The following KCNMA1 variants were observed in gnomAD, a reference collection of about 807,000 sequenced individuals.
KCNMA1 encodes Calcium-activated potassium channel subunit alpha-1.
In KCNMA1, 29 loss-of-function variants were observed where a neutral mutation model predicts 140.0. The observed-to-expected ratio is 0.21, with a 90% CI of 0.15 to 0.28. The LOEUF is 0.28. Among genes scored for constraint, KCNMA1 ranks in the 10% least tolerant of loss-of-function variants. KCNMA1 has a pLI of 1.00. For synonymous variants in KCNMA1, 612 were observed against 611.9 expected (o/e 1.00, Z 0.00); for missense variants, 880 against 1,602.2 (o/e 0.55, Z 7.70).
intron 3 of KCNMA1, among the ~76,000 whole-genome samples, chr10:77,208,277 C>T (rs1453274775): frequency 6.6e-6 from 1 of 152,228 alleles, no homozygotes; most frequent in Non-Finnish European, 1.5e-5. Flanking sequence ...AAGAGCACTA[C>T]TCTATTCTAG....
chr10:77,176,597 T>C (rs2098753294), intron 5 of KCNMA1, among the ~76,000 whole-genome samples: 1 of 152,086 alleles, frequency 6.6e-6, no homozygotes, highest in Admixed American at 6.6e-5. Flanking sequence ...GAATGACCCC[T>C]GGAGCAAAGG....
At chr10:77,379,089 C>T (rs1164563423) in intron 2 of KCNMA1, among the ~76,000 whole-genome samples, 2 of 152,074 alleles carry the variant, frequency 1.3e-5, no homozygotes, top group Non-Finnish European at 2.9e-5. Flanking sequence ...TGTTTGGCAC[C>T]ATAGAAAACA....
At chr10:77,317,947 C>T (rs188439502) in intron 2 of KCNMA1, among the ~76,000 whole-genome samples, 120 of 152,236 alleles carry the variant, frequency 7.9e-4, no homozygotes, top group Admixed American at 1.8e-3. Context: ...GGGTTGAGCC[C>T]GCATCTTCAA....
At chr10:77,162,172 T>C (rs973593622) in intron 5 of KCNMA1, among the ~76,000 whole-genome samples, 1 of 152,240 alleles carries the variant, frequency 6.6e-6, no homozygotes. Flanking sequence ...TGTAATCCTA[T>C]GAGCAAAGAC....
intron 1 of KCNMA1, among the ~76,000 whole-genome samples, chr10:77,565,613 G>A (rs1027113061): frequency 6.6e-6 from 1 of 152,186 alleles, no homozygotes; most frequent in African/African-American, 2.4e-5. Context: ...TTAAGCAGCT[G>A]TGCTCTTCCC....
intron 1 of KCNMA1, among the ~76,000 whole-genome samples, chr10:77,455,223 G>A (rs1473853978): frequency 6.6e-6 from 1 of 152,128 alleles, no homozygotes; most frequent in East Asian, 1.9e-4. Flanking sequence ...AGCACAGGCA[G>A]CTACCCTTAC....
intron 1 of KCNMA1, among the ~76,000 whole-genome samples, chr10:77,487,673 C>T (rs904273644): frequency 2.6e-5 from 4 of 152,110 alleles, no homozygotes; most frequent in African/African-American, 9.7e-5. Context: ...CCCAAAATTT[C>T]GTGCATGGGA....
At chr10:76,955,195 TTC>T (rs1328362514) in intron 20 of KCNMA1, among the ~76,000 whole-genome samples, 2 of 94,758 alleles carry the variant, frequency 2.1e-5, no homozygotes, top group Non-Finnish European at 4.6e-5. Flanking sequence ...TTTTTCTTTT[TTC>T]TTTTTTTTTT....
At chr10:77,162,039 T>C (rs1165731666) in intron 5 of KCNMA1, among the ~76,000 whole-genome samples, 4 of 152,222 alleles carry the variant, frequency 2.6e-5, no homozygotes, top group African/African-American at 9.6e-5. Context: ...TGCCTTTTTT[T>C]CCTAGATATC....
At chr10:77,466,930 G>C (rs555799340) in intron 1 of KCNMA1, among the ~76,000 whole-genome samples, 301 of 97,888 alleles carry the variant, frequency 3.1e-3, no homozygotes, top group African/African-American at 0.011. Context: ...AAGGGAGGGA[G>C]GGGGGAAAGG....
chr10:77,497,470 G>A (rs778560872), intron 1 of KCNMA1, among the ~76,000 whole-genome samples: 23 of 152,146 alleles, frequency 1.5e-4, no homozygotes, highest in African/African-American at 5.3e-4. Flanking sequence ...CTCTCACCTC[G>A]TGACAAAGAA....
intron 2 of KCNMA1, among the ~76,000 whole-genome samples, chr10:77,308,657 A>G (rs1810300749): frequency 6.6e-6 from 1 of 152,208 alleles, no homozygotes; most frequent in Non-Finnish European, 1.5e-5. Context: ...GACATGACCA[A>G]AATGGCAGCA....
chr10:76,965,505 T>C (rs1341529606), intron 20 of KCNMA1, among the ~76,000 whole-genome samples: 1 of 152,166 alleles, frequency 6.6e-6, no homozygotes, highest in Non-Finnish European at 1.5e-5. Context: ...GGTTACCGCC[T>C]CCTCGAAAAC....
At chr10:77,450,643 A>G (rs1311762928) in intron 1 of KCNMA1, among the ~76,000 whole-genome samples, 1 of 152,178 alleles carries the variant, frequency 6.6e-6, no homozygotes, top group Non-Finnish European at 1.5e-5. Flanking sequence ...GTAAGAGGAT[A>G]TACTTTCTCT....
chr10:77,440,633 G>C (rs1217145580), intron 1 of KCNMA1, among the ~76,000 whole-genome samples: 1 of 152,154 alleles, frequency 6.6e-6, no homozygotes, highest in East Asian at 1.9e-4. Context: ...TCAAATGAAA[G>C]TGTTCAGACA....
intron 1 of KCNMA1, among the ~76,000 whole-genome samples, chr10:77,553,865 C>G (rs545815313): frequency 6.6e-6 from 1 of 152,264 alleles, no homozygotes; most frequent in South Asian, 2.1e-4. Context: ...AGACATGGTT[C>G]TAAAACCTAG....
At chr10:77,134,944 G>GCTGAGAT (rs2097957853) in intron 5 of KCNMA1, among the ~76,000 whole-genome samples, 1 of 121,408 alleles carries the variant, frequency 8.2e-6, no homozygotes, top group Non-Finnish European at 1.6e-5. Context: ...ATTGCAGTGA[G>GCTGAGAT]CTGAGATCAT....
intron 1 of KCNMA1, chr10:77,634,050 T>C: frequency 1.7e-6 from 1 of 597,496 alleles, no homozygotes; most frequent in South Asian, 7.5e-5. Flanking sequence ...ACATTAGAAC[T>C]CACAGAATTC....
chr10:77,201,738 A>AT (rs2042548085), intron 3 of KCNMA1, among the ~76,000 whole-genome samples: 1 of 152,132 alleles, frequency 6.6e-6, no homozygotes, highest in African/African-American at 2.4e-5. Context: ...AGAGAATTTC[A>AT]TTGTGCTGAT....
Sources: gnomAD v4.1 joint callset for allele counts (sites outside exome capture counted in the v4.1 genomes callset) on GRCh38, gnomAD v4.1.1 for gene constraint, MANE v1.5 for transcripts, NCBI Gene and HGNC (gene_info 2026-07-23, HGNC 2026-07-21) for gene names.